Variants in ZNF136 observed in about 807,000 individuals in gnomAD.
ZNF136 encodes zinc finger protein 136.
A neutral mutation model predicts 11.4 loss-of-function variants in ZNF136; 8 were observed. The observed-to-expected ratio is 0.70, with a 90% CI of 0.41 to 1.27. The LOEUF (loss-of-function observed/expected upper bound fraction) is 1.27. Among genes scored for constraint, ZNF136 ranks in the 50% most tolerant of loss-of-function variants. ZNF136 has a pLI of 0.01. For synonymous variants in ZNF136, 190 were observed against 207.1 expected (o/e 0.92, Z 0.71); for missense variants, 590 against 656.5 (o/e 0.90, Z 1.11).
intron 3 of ZNF136, 27 bp downstream of exon 3, chr19:12,186,201 T>A: frequency 6.3e-7 from 1 of 1,597,882 alleles, no homozygotes. Context: ...GAAAGCAAAT[T>A]CACTTGAAAG....
In ZNF136 at chr19:12,188,414, T is replaced by C. The variant is rs1915174538; in HGVS notation, c.*413T>C. On this transcript the variant is annotated 3_prime_UTR_variant, in exon 4 of 4. Coordinates refer to ENST00000343979, the MANE Select transcript of ZNF136 (RefSeq NM_003437.5). ...TGAAAGAACACACAAAAGAGAAAGC[T>C]CTTGAATATAAGCAATGTCCACACG... 1 of 158,240 alleles carries C rather than the reference T, an allele frequency of 6.3e-6. No individual in the cohort carries two copies. The highest frequency in any genetic ancestry group is 2.0e-4 in the South Asian group (1 of 4,992). 9.8% of individuals were successfully genotyped at this position (158,240 alleles called of 1,614,324 possible). A position where few individuals can be genotyped will look rare whatever the true frequency, so the allele number is the denominator to read the frequency against.
chr19:12,189,517 G>C lies in ZNF136; in HGVS notation c.*1516G>C, dbSNP rs1393316143. On this transcript the variant is annotated 3_prime_UTR_variant, in exon 4 of 4. Transcript: ENST00000343979. ...ACTACAGGCATGTGCCACCACACCT[G>C]GCTAATTTTTTGTATTTCTAGTAGA... 3 of 151,898 alleles carry C rather than the reference G, an allele frequency of 2.0e-5. No homozygotes were observed. The highest frequency in any genetic ancestry group is 7.3e-5 in the African/African-American group (3 of 41,320). 9.4% of individuals were successfully genotyped at this position (151,898 alleles called of 1,614,324 possible).
intron 1 of ZNF136, among the ~76,000 whole-genome samples, chr19:12,182,817 G>A (rs1914977650): frequency 6.6e-6 from 1 of 152,116 alleles, no homozygotes; most frequent in Non-Finnish European, 1.5e-5. Context: ...GACAGGATGG[G>A]GGTTGGGGGG....
At chr19:12,170,425 T>C (rs1396804386) in intron 1 of ZNF136, among the ~76,000 whole-genome samples, 1 of 152,054 alleles carries the variant, frequency 6.6e-6, no homozygotes, top group Non-Finnish European at 1.5e-5. Context: ...TCTTCTTCTG[T>C]TGCCCAGACT....
At chr19:12,174,428 C>T (rs1435499416) in intron 1 of ZNF136, among the ~76,000 whole-genome samples, 1 of 152,112 alleles carries the variant, frequency 6.6e-6, no homozygotes, top group East Asian at 1.9e-4. Flanking sequence ...GTCACAGGTT[C>T]TTGGGCCTTA....
chr19:12,180,237 A>G (rs1314642523), intron 1 of ZNF136, among the ~76,000 whole-genome samples: 2 of 152,220 alleles, frequency 1.3e-5, no homozygotes, highest in African/African-American at 4.8e-5. Flanking sequence ...AGTTGTCAGA[A>G]TATAAACCTA....
intron 1 of ZNF136, among the ~76,000 whole-genome samples, chr19:12,179,229 A>G (rs1300651092): frequency 2.0e-5 from 3 of 152,178 alleles, no homozygotes; most frequent in Admixed American, 2.0e-4. Context: ...GTATAAAAAA[A>G]AGTCATCATA....
intron 1 of ZNF136, among the ~76,000 whole-genome samples, chr19:12,174,339 C>G (rs1432351052): frequency 6.6e-6 from 1 of 152,130 alleles, no homozygotes; most frequent in African/African-American, 2.4e-5. Context: ...GTTGAATATT[C>G]TCTTGTAGAT....
intron 1 of ZNF136, among the ~76,000 whole-genome samples, chr19:12,170,941 T>G (rs913730557): frequency 1.3e-5 from 2 of 152,056 alleles, no homozygotes; most frequent in African/African-American, 4.8e-5. Context: ...GTTCAAGTGA[T>G]TCTCCTGCCT....
In ZNF136 at chr19:12,186,105, C is replaced by T. The variant is rs750517657; in HGVS notation, c.131-9C>T. On this transcript the variant is annotated splice_polypyrimidine_tract_variant and intron_variant, in intron 2 of 3. Coordinates refer to ENST00000343979, the MANE Select transcript of ZNF136 (RefSeq NM_003437.5). The stretch of plus-strand genomic sequence containing the variant: ...ACTAATTCAGAATTTTTCTGGGTCT[C>T]TGTTTTAGGGAAAAAATGGAAGGAC... The T allele has an allele frequency of 1.2e-6, 2 of 1,606,206 alleles. No homozygotes were observed. The highest frequency in any genetic ancestry group is 3.4e-5 in the Admixed American group (2 of 57,994).
Position 12,186,758 on chromosome 19 carries a change from A to G in ZNF136, c.380A>G (p.His127Arg), listed in dbSNP as rs756592737. 1.9e-6 allele frequency: 3 copies of G among 1,614,202 alleles called. No homozygotes were observed. Among genetic ancestry groups the G allele is most frequent in the Middle Eastern group, 3.3e-4 (2 of 6,062 alleles). Residue 127 changes from histidine to arginine, a missense_variant, in exon 4 of 4, where the codon CAT becomes CGT. Coordinates refer to ENST00000343979, the MANE Select transcript of ZNF136 (RefSeq NM_003437.5). ...AGACACATCAAAGATCACAGTGGAC[A>G]TGAACCAAAGGAATATCAGGAATAT... ...LNRHIKDHSGHEPKEYQEYGE... is the reference protein window; with the variant it reads ...LNRHIKDHSGREPKEYQEYGE...
intron 1 of ZNF136, among the ~76,000 whole-genome samples, chr19:12,181,096 T>A (rs1914928778): frequency 1.3e-5 from 2 of 152,240 alleles, no homozygotes; most frequent in Non-Finnish European, 1.5e-5. Flanking sequence ...CTGCATTACC[T>A]TTCTTCTGGC....
chr19:12,177,287 T>G (rs10424342), intron 1 of ZNF136, among the ~76,000 whole-genome samples: 2 of 152,272 alleles, frequency 1.3e-5, no homozygotes, highest in Admixed American at 1.3e-4. Flanking sequence ...GATTTTCAAA[T>G]GTGAAAACAG....
intron 1 of ZNF136, among the ~76,000 whole-genome samples, chr19:12,184,280 G>T (rs1023625270): frequency 2.7e-5 from 4 of 150,544 alleles, no homozygotes; most frequent in Non-Finnish European, 4.4e-5. Flanking sequence ...AAAAAAGAGG[G>T]CTGGGTGTGG....
intron 1 of ZNF136, among the ~76,000 whole-genome samples, chr19:12,177,784 A>G (rs566902930): frequency 6.6e-6 from 1 of 152,294 alleles, no homozygotes; most frequent in South Asian, 2.1e-4. Flanking sequence ...TGCTCTTTTC[A>G]GAAATGTCTG....
chr19:12,184,283 G>T (rs572103982), intron 1 of ZNF136, among the ~76,000 whole-genome samples: 1 of 151,702 alleles, frequency 6.6e-6, no homozygotes, highest in South Asian at 2.1e-4. Context: ...AAAGAGGGCT[G>T]GGTGTGGTGG....
At chr19:12,180,593 A>G (rs1366878446) in intron 1 of ZNF136, among the ~76,000 whole-genome samples, 3 of 152,216 alleles carry the variant, frequency 2.0e-5, no homozygotes, top group African/African-American at 7.2e-5. Context: ...GAGGGTGGCA[A>G]CATCAGTGAG....
intron 1 of ZNF136, chr19:12,169,540 T>C (rs1914584436): frequency 6.6e-6 from 1 of 152,100 alleles, no homozygotes; most frequent in African/African-American, 2.4e-5. Context: ...GCCTTGGGCA[T>C]TTCTGGCATG....
chr19:12,177,177 C>T (rs747821789), intron 1 of ZNF136, among the ~76,000 whole-genome samples: 5 of 152,166 alleles, frequency 3.3e-5, no homozygotes, highest in Non-Finnish European at 5.9e-5. Context: ...AGGAAGTTCC[C>T]TTCCATTTCC....
Sources: gnomAD v4.1 joint callset for allele counts (sites outside exome capture counted in the v4.1 genomes callset) on GRCh38, gnomAD v4.1.1 for gene constraint, MANE v1.5 for transcripts, NCBI Gene and HGNC (gene_info 2026-07-23, HGNC 2026-07-21) for gene names.